PARP14: variants seen among roughly 807,000 people sequenced by gnomAD.
PARP14 encodes the protein protein mono-ADP-ribosyltransferase PARP14.
Under a neutral mutation model 154.2 loss-of-function variants are expected in PARP14, and 59 were observed. That is an observed-to-expected ratio of 0.38 (90% confidence interval 0.31 to 0.48). The LOEUF (loss-of-function observed/expected upper bound fraction) is 0.48. Ranked by LOEUF, PARP14 falls within the 20% of genes least tolerant of loss-of-function variation. The pLI is 0.98. For synonymous variants in PARP14, 720 were observed against 780.5 expected (o/e 0.92, Z 1.29); for missense variants, 1,734 against 2,131.6 (o/e 0.81, Z 3.67).
At position 122,701,188 on chromosome 3, in the gene PARP14, C is replaced by A. The variant is rs1162053586; in HGVS notation, c.2634C>A (p.Ile878=). The change falls in exon 6 of 17, where the codon ATC becomes ATA. Residue 878 remains isoleucine (I), a synonymous_variant. Transcript: ENST00000474629. The surrounding 1 kb of genome is among the most constrained non-coding windows in gnomAD (Gnocchi z 4.0). ...GAAAGCTGCCCTACCACCACGTGAT[C>A]CATGCAGTGGGGCCCCGCTGGAGCG... ...KAGKLPYHHV[I]HAVGPRWSGY... 2 of 1,613,470 alleles carry A rather than the reference C, an allele frequency of 1.2e-6. No homozygotes were observed. Among genetic ancestry groups the A allele is most frequent in the South Asian group, 1.1e-5 (1 of 91,032 alleles).
At chr3:122,710,755 A>G (rs1465799577) in intron 9 of PARP14, among the ~76,000 whole-genome samples, 1 of 151,516 alleles carries the variant, frequency 6.6e-6, no homozygotes, top group Non-Finnish European at 1.5e-5. Flanking sequence ...CCTTGTAGAG[A>G]TCTTTCACCT....
rs1425653629 is a variant in PARP14 at position 122,692,151 on chromosome 3, T to C, written c.356-150T>C. 7.9e-6 allele frequency: 4 copies of C among 508,680 alleles called. No homozygotes were observed. The Admixed American group carries it at 1.3e-4, about 17-fold the overall frequency. 31.5% of individuals were successfully genotyped at this position (508,680 alleles called of 1,614,324 possible). On this transcript the variant is annotated intron_variant, in intron 3 of 16. Transcript: ENST00000474629. The stretch of plus-strand genomic sequence containing the variant: ...ATGTTACATGTTGTTTTTATTTAAA[T>C]AAAGCAAAAAGCCATCCAAGGTCTG...
intron 4 of PARP14, among the ~76,000 whole-genome samples, chr3:122,695,165 G>A (rs1403433947): frequency 2.0e-5 from 3 of 152,212 alleles, no homozygotes; most frequent in African/African-American, 7.2e-5. Flanking sequence ...AAACCCTCAG[G>A]AGGGTTGGTG....
rs1933132511 is a variant in PARP14, at chr3:122,720,371, C to G, written c.4924C>G (p.His1642Asp). The change falls in exon 15 of 17, where the codon CAC becomes GAC. Residue 1642 changes from histidine (H) to aspartate (D), a missense_variant. Coordinates refer to ENST00000474629, the MANE Select transcript of PARP14 (RefSeq NM_017554.3). Reference protein sequence around the residue: ...VASKFNQTCSHFRIEKIERIQ... With the variant: ...VASKFNQTCSDFRIEKIERIQ... ...AAGCAAGTTTAATCAGACCTGCTCA[C>G]ACTTCAGAATAGAGAAGGTAAGCCT... The G allele has an allele frequency of 6.2e-7, 1 of 1,613,102 alleles. No individual in the cohort carries two copies. Among genetic ancestry groups the G allele is most frequent in the South Asian group, 1.1e-5 (1 of 90,804 alleles).
In PARP14 at chr3:122,701,267, C is replaced by T; in HGVS notation, c.2713C>T (p.Leu905Phe). 1 of 1,613,946 alleles carries T rather than the reference C, an allele frequency of 6.2e-7. No homozygotes were observed. Among genetic ancestry groups the T allele is most frequent in the African/African-American group, 1.3e-5 (1 of 75,060 alleles). ...ATTAAGGAGAGCTGTGCAACTCAGTCTCTGTCTAGCCGAAAAATACAAGTA... is the reference window on the plus strand; with the variant it reads ...ATTAAGGAGAGCTGTGCAACTCAGTTTCTGTCTAGCCGAAAAATACAAGTA... ...YLLRRAVQLS[L>F]CLAEKYKYRS... Residue 905 changes from leucine to phenylalanine, a missense_variant, in exon 6 of 17, where the codon CTC becomes TTC. Transcript: ENST00000474629. The surrounding 1 kb of genome is among the most constrained non-coding windows in gnomAD (Gnocchi z 4.0).
chr3:122,696,314 G>C (rs748579478), intron 5 of PARP14, among the ~76,000 whole-genome samples: 1 of 152,150 alleles, frequency 6.6e-6, no homozygotes, highest in Non-Finnish European at 1.5e-5. Context: ...AGGCTTCTTG[G>C]GAAAAGAAGG....
In PARP14 at chr3:122,699,505, G is replaced by A; in HGVS notation, c.951G>A (p.Lys317=). 1 of 1,613,900 alleles carries A rather than the reference G, an allele frequency of 6.2e-7. No homozygotes were observed. The highest frequency in any genetic ancestry group is 8.5e-7 in the Non-Finnish European group (1 of 1,179,804). Residue 317 remains lysine (K), a synonymous_variant, in exon 6 of 17, where the codon AAG becomes AAA. Transcript: ENST00000474629. ...ATGGAAAGGAGAAGCCTCTGATCAA[G>A]CTTCCAGCACCATTTGAAGAGTCAC... ...ALYGKEKPLI[K]LPAPFEESLD... is the part of the protein sequence containing the mutation.
At chr3:122,715,619 TATCTATC>T (rs1365647686) in intron 12 of PARP14, among the ~76,000 whole-genome samples, 2 of 129,808 alleles carry the variant, frequency 1.5e-5, no homozygotes, top group African/African-American at 5.1e-5. Flanking sequence ...TCTATCTATC[TATCTATC>T]TATCTATCTA....
rs1437655953 is a variant in PARP14, at chr3:122,718,036, T to C, written c.4001-35T>C. 2.5e-6 allele frequency: 4 copies of C among 1,573,270 alleles called. No homozygotes were observed. In the South Asian group the frequency reaches 4.5e-5, roughly 18 times the overall value. The stretch of plus-strand genomic sequence containing the variant: ...CCTCAGCCTTCCACTTGGGGCTTTT[T>C]TGTCCTTCAGCAATTTTATTATTTG... On this transcript the variant is annotated intron_variant, in intron 12 of 16. Coordinates refer to ENST00000474629, the MANE Select transcript of PARP14 (RefSeq NM_017554.3).
chr3:122,713,395 G>C, intron 9 of PARP14, 29 bp from the exon 10 acceptor site: 2 of 1,596,110 alleles, frequency 1.3e-6, no homozygotes, highest in South Asian at 2.2e-5. Context: ...GGCTGACTCG[G>C]TTATTGACTT....
intron 8 of PARP14, among the ~76,000 whole-genome samples, chr3:122,706,188 T>C (rs1431758859): frequency 6.6e-6 from 1 of 152,226 alleles, no homozygotes; most frequent in East Asian, 1.9e-4. Context: ...TGAGTATTTT[T>C]CAAATACTCT....
At chr3:122,688,168 C>T (rs189950097) in intron 3 of PARP14, among the ~76,000 whole-genome samples, 13 of 152,030 alleles carry the variant, frequency 8.6e-5, no homozygotes, top group Non-Finnish European at 1.3e-4. Context: ...CAGTGTTTGT[C>T]GTTGGGATCT....
chr3:122,691,844 T>C (rs892681035), intron 3 of PARP14, among the ~76,000 whole-genome samples: 1 of 152,212 alleles, frequency 6.6e-6, no homozygotes, highest in Non-Finnish European at 1.5e-5. Flanking sequence ...TAAACTTCAA[T>C]TATGTATAAT....
At chr3:122,692,250 C>T (rs1938563131) in intron 3 of PARP14, 51 bp from the exon 4 acceptor site, 2 of 1,534,940 alleles carry the variant, frequency 1.3e-6, no homozygotes, top group Non-Finnish European at 1.8e-6. Flanking sequence ...TTGCTAAGAC[C>T]ATGGTAGATA....
Position 122,728,451 on chromosome 3 carries a change from T to C in PARP14, c.5260T>C (p.Ser1754Pro). Residue 1754 changes from serine (S) to proline (P), a missense_variant, in exon 17 of 17, where the codon TCA becomes CCA. Ser to Pro is a moderately conservative substitution (Grantham distance 74, BLOSUM62 -1). This residue lies in a region of PARP14 where 88 missense variants were observed against 155.6 expected (regional missense o/e 0.57). Transcript: ENST00000474629. ...TGGAATCTATACACATGGAAATCAT[T>C]CATTAATTGTGCCTCCTTCAAAGAA... The part of the protein sequence containing the change: ...LTGIYTHGNH[S>P]LIVPPSKNPQ... 1 of 1,613,962 alleles carries C rather than the reference T, an allele frequency of 6.2e-7. No homozygotes were observed. The highest frequency in any genetic ancestry group is 8.5e-7 in the Non-Finnish European group (1 of 1,179,856).
In PARP14 at chr3:122,727,796, C is replaced by G. The variant is rs747070786; in HGVS notation, c.4942-16C>G. 1.3e-6 allele frequency: 2 copies of G among 1,560,242 alleles called. No individual in the cohort carries two copies. Among genetic ancestry groups the G allele is most frequent in the African/African-American group, 1.4e-5 (1 of 72,890 alleles). On this transcript the variant is annotated splice_polypyrimidine_tract_variant and intron_variant, in intron 15 of 16. Transcript: ENST00000474629. ...CTCTTGGAACTGGCAGAATATTATCCTTTATTAATTTGCAGATTGAGAGGA... is the reference window on the plus strand; with the variant it reads ...CTCTTGGAACTGGCAGAATATTATCGTTTATTAATTTGCAGATTGAGAGGA...
chr3:122,701,635 GGT>G lies in PARP14; in HGVS notation c.3081+2_3081+3del. 1 of 1,573,286 alleles carries G rather than the reference GGT, an allele frequency of 6.4e-7. No individual in the cohort carries two copies. The highest frequency in any genetic ancestry group is 8.6e-7 in the Non-Finnish European group (1 of 1,158,418). On this transcript the variant is annotated splice_donor_variant, in intron 6 of 16. Coordinates refer to ENST00000474629, the MANE Select transcript of PARP14 (RefSeq NM_017554.3). LOFTEE classifies it high-confidence loss of function. The surrounding 1 kb of genome is among the most constrained non-coding windows in gnomAD (Gnocchi z 4.0). Reference sequence around the variant, plus strand: ...TGAAAGAGGGTGTGCAGAATGCTAAGGTGAGTGTCGCTTTTACAGAACACCAC... The same window carrying G: ...TGAAAGAGGGTGTGCAGAATGCTAAGGAGTGTCGCTTTTACAGAACACCAC...
chr3:122,728,271 A>G (rs1933339875), intron 16 of PARP14, 37 bp from the exon 17 acceptor site: 1 of 1,568,120 alleles, frequency 6.4e-7, no homozygotes, highest in East Asian at 2.2e-5. Flanking sequence ...ATTTTACATT[A>G]ACTTGAAATG....
chr3:122,714,173 C>A, intron 11 of PARP14, 89 bp from the exon 12 acceptor site: 1 of 1,074,822 alleles, frequency 9.3e-7, no homozygotes, highest in South Asian at 1.6e-5. Flanking sequence ...TCACAAAATG[C>A]TTACTTGCCA....
Sources: allele counts gnomAD v4.1 joint callset (sites outside exome capture counted in the v4.1 genomes callset), GRCh38; gene constraint gnomAD v4.1.1; regional missense constraint gnomAD v4.1.1; non-coding constraint Gnocchi (gnomAD v3.1); transcripts MANE v1.5; gene names NCBI Gene and HGNC (gene_info 2026-07-23, HGNC 2026-07-21).